Variants in DROSHA observed in about 807,000 individuals in gnomAD.
DROSHA encodes the protein drosha ribonuclease III.
A neutral mutation model predicts 181.9 loss-of-function variants in DROSHA; 56 were observed. The observed-to-expected ratio is 0.31, with a 90% CI of 0.25 to 0.38. The LOEUF is 0.38. Ranked by LOEUF, DROSHA falls within the 10% of genes least tolerant of loss-of-function variation. The pLI, the probability that DROSHA is intolerant of heterozygous loss-of-function variation, is 1.00. For missense variants in DROSHA, 1,218 were observed against 1,743.5 expected, an observed-to-expected ratio of 0.70 and a Z score of 5.37; for synonymous variants, 524 against 591.2, an observed-to-expected ratio of 0.89 and a Z score of 1.65.
At position 31,410,822 on chromosome 5, in the gene DROSHA, C is replaced by G. The variant is rs765041582; in HGVS notation, c.3591G>C (p.Gln1197His). 3 of 1,614,004 alleles carry G rather than the reference C, an allele frequency of 1.9e-6. No individual in the cohort carries two copies. The change falls in exon 31 of 36, where the codon CAG (glutamine) becomes CAC (histidine). Residue 1197 changes from glutamine to histidine, a missense_variant. Gln to His is a conservative substitution (Grantham distance 24). Coordinates refer to ENST00000344624, the MANE Select transcript of DROSHA (RefSeq NM_001382508.1). ...QAKVAEELGM[Q>H]EYAITNDKTK... ...TCTTGTCGTTGGTTATGGCGTACTCCTGCATGCCCAGCTCCTCCGCTACCT... is the reference window on the plus strand; with the variant it reads ...TCTTGTCGTTGGTTATGGCGTACTCGTGCATGCCCAGCTCCTCCGCTACCT...
intron 25 of DROSHA, among the ~76,000 whole-genome samples, chr5:31,435,275 A>G (rs1014351812): frequency 7.2e-5 from 11 of 152,204 alleles, no homozygotes; most frequent in Admixed American, 5.9e-4. Context: ...AACAGCCTAA[A>G]CCCTAAATCT....
At chr5:31,519,828 A>C (rs999275912) in intron 6 of DROSHA, among the ~76,000 whole-genome samples, 8 of 152,246 alleles carry the variant, frequency 5.3e-5, no homozygotes, top group Admixed American at 5.2e-4. Flanking sequence ...CACATACAAT[A>C]CAGATTTTCT....
intron 23 of DROSHA, among the ~76,000 whole-genome samples, chr5:31,438,091 G>T (rs1745109936): frequency 6.6e-6 from 1 of 152,196 alleles, no homozygotes; most frequent in Non-Finnish European, 1.5e-5. Context: ...CCCACAGGCT[G>T]TTATTTTCTC....
At chr5:31,406,790 A>C in intron 34 of DROSHA, 63 bp downstream of exon 34, 1 of 1,454,262 alleles carries the variant, frequency 6.9e-7, no homozygotes, top group Non-Finnish European at 9.6e-7. Flanking sequence ...TGGAGATAGC[A>C]GCTAGGGAAT....
At position 31,522,371 on chromosome 5, in the gene DROSHA, T is replaced by C. The variant is rs542518251; in HGVS notation, c.855-1156A>G. On this transcript the variant is annotated intron_variant, in intron 5 of 35. Transcript: ENST00000344624. ...CCATGCCACATGTCAAAGATATATG[T>C]AATTTGTAATGGCACGGCTGTTGAA... 2.0e-5 allele frequency among the ~76,000 whole-genome samples: 3 copies of C among 152,332 alleles called. No individual in the cohort carries two copies. The East Asian group carries it at 5.8e-4, about 29-fold the overall frequency.
chr5:31,467,265 C>T (rs907214869), intron 18 of DROSHA: 1 of 148,942 alleles, frequency 6.7e-6, no homozygotes, highest in Admixed American at 6.8e-5. Flanking sequence ...CTCCCATGCC[C>T]TTTTCTCCCA....
Position 31,406,065 on chromosome 5 carries a change from G to C in DROSHA, c.3948-342C>G, listed in dbSNP as rs75152248. On this transcript the variant is annotated intron_variant, in intron 34 of 35. Coordinates refer to ENST00000344624, the MANE Select transcript of DROSHA (RefSeq NM_001382508.1). ...TCACTGTAAAGTTTAAAGAGGAAAA[G>C]AATAAAAAAAAATACAGACAGGTTT... Among the ~76,000 whole-genome samples the C allele has an allele frequency of 0.015, 2,263 of 150,890 alleles. 131 individuals carry two copies. The East Asian group carries it at 0.21, about 14-fold the overall frequency.
rs183833318 is a variant in DROSHA, at chr5:31,515,475, G to A, written c.1037C>T (p.Pro346Leu). 21 of 1,421,924 alleles carry A rather than the reference G, an allele frequency of 1.5e-5. 1 individual carries two copies. In the Middle Eastern group the frequency reaches 5.2e-4, roughly 35 times the overall value. 88.1% of individuals were successfully genotyped at this position (1,421,924 alleles called of 1,614,324 possible). The change falls in exon 7 of 36, where the codon CCA becomes CTA. Residue 346 changes from proline to leucine, a missense_variant. Physicochemically the swap from Pro to Leu is moderately conservative, Grantham distance 98. Coordinates refer to ENST00000344624, the MANE Select transcript of DROSHA (RefSeq NM_001382508.1). ...TTACTGATTCACAATCTCCAGGGGT[G>A]GGGCCCAAGAATCTGTATTTTTAAT... ...EIIKNTDSWA[P>L]PLEIVNHRSP...
chr5:31,441,500 CACTAGCCAAGAGTG>C (rs1745594885), intron 23 of DROSHA, among the ~76,000 whole-genome samples: 1 of 152,134 alleles, frequency 6.6e-6, no homozygotes, highest in Non-Finnish European at 1.5e-5. Flanking sequence ...GTCGCTACTC[CACTAGCCAAGAGTG>C]ACTCAAAAGT....
At chr5:31,453,884 TCATCTTTATGTCTGG>T (rs1364682502) in intron 20 of DROSHA, among the ~76,000 whole-genome samples, 4 of 150,148 alleles carry the variant, frequency 2.7e-5, no homozygotes, top group East Asian at 2.0e-4. Context: ...AAAAATACAA[TCATCTTTATGTCTGG>T]CATCTTTATG....
chr5:31,432,814 T>C (rs1449027955), intron 25 of DROSHA, among the ~76,000 whole-genome samples: 8 of 152,228 alleles, frequency 5.3e-5, no homozygotes, highest in Non-Finnish European at 8.8e-5. Context: ...CTTTGATCTC[T>C]GTGGCTGCTT....
intron 20 of DROSHA, among the ~76,000 whole-genome samples, chr5:31,455,431 T>C (rs1489544262): frequency 1.3e-5 from 2 of 151,720 alleles, no homozygotes; most frequent in Admixed American, 6.6e-5. Context: ...AAACGTGTAA[T>C]ACAAGAAAAA....
At chr5:31,425,681 G>C (rs615344) in intron 27 of DROSHA, among the ~76,000 whole-genome samples, 2 of 151,746 alleles carry the variant, frequency 1.3e-5, no homozygotes, top group Non-Finnish European at 2.9e-5. Context: ...ACTCTAAATA[G>C]CACATGGGCA....
In DROSHA at chr5:31,467,360, G is replaced by A. The variant is rs190311232; in HGVS notation, c.2366+579C>T. 23 of 150,546 alleles carry A rather than the reference G, an allele frequency of 1.5e-4. 1 individual carries two copies. In the East Asian group the frequency reaches 2.5e-3, roughly 17 times the overall value. 9.3% of individuals were successfully genotyped at this position (150,546 alleles called of 1,614,324 possible). On this transcript the variant is annotated intron_variant, in intron 18 of 35. Coordinates refer to ENST00000344624, the MANE Select transcript of DROSHA (RefSeq NM_001382508.1). The stretch of plus-strand genomic sequence containing the variant: ...CAAGGTAGGAAATCCAAACAGTCCC[G>A]AAGAATCTAATGGTACTATCTCCAT...
rs746523039 is a variant in DROSHA, at chr5:31,508,571, C to T, written c.1587+50G>A. The T allele has an allele frequency of 3.7e-6, 6 of 1,611,320 alleles. No homozygotes were observed. The South Asian group carries it at 4.4e-5, about 12-fold the overall frequency. The stretch of plus-strand genomic sequence containing the variant: ...TATCTTCTGAGCCCAGAGCAATAAC[C>T]GTTATGTCTGGGTTTGCAACCTTCA... On this transcript the variant is annotated intron_variant, in intron 10 of 35. Coordinates refer to ENST00000344624, the MANE Select transcript of DROSHA (RefSeq NM_001382508.1).
Position 31,464,252 on chromosome 5 carries a change from C to A in DROSHA, c.2558G>T (p.Arg853Leu). 1 of 1,613,270 alleles carries A rather than the reference C, an allele frequency of 6.2e-7. No homozygotes were observed. Residue 853 changes from arginine to leucine, a missense_variant, in exon 20 of 36, where the codon CGT becomes CTT. By Grantham distance (102) the Arg-to-Leu change is moderately radical. Around this residue, in one of 8 missense-constraint regions of DROSHA, gnomAD observed 460 missense variants for 774.2 expected, o/e 0.59. Coordinates refer to ENST00000344624, the MANE Select transcript of DROSHA (RefSeq NM_001382508.1). ...TCTCCCCACCTGACAGACATCAGAA[C>A]GGATGCCAGTTTTCCAGAATCCTTG... ...SSQGFWKTGIRSDVCQHAMML... is the reference protein window; with the variant it reads ...SSQGFWKTGILSDVCQHAMML...
At position 31,461,032 on chromosome 5, in the gene DROSHA, C is replaced by T. The variant is rs184546327; in HGVS notation, c.2574+3204G>A. On this transcript the variant is annotated intron_variant, in intron 20 of 35. Transcript: ENST00000344624. ...AAACAATAAAAAATGTTAGCATATA[C>T]GACTTGTGACTAGACAAACCTGCAC... Among the ~76,000 whole-genome samples, 411 of 152,184 alleles carry T rather than the reference C, an allele frequency of 2.7e-3. 2 individuals are homozygous for T. The highest frequency in any genetic ancestry group is 0.02 in the Middle Eastern group (6 of 294).
chr5:31,468,615 T>C (rs989430716), intron 17 of DROSHA, among the ~76,000 whole-genome samples: 9 of 152,238 alleles, frequency 5.9e-5, no homozygotes, highest in Admixed American at 5.2e-4. Context: ...GAGAGCCTCA[T>C]ATTTTTTTCT....
At chr5:31,525,191 C>T (rs1440572552) in intron 5 of DROSHA, among the ~76,000 whole-genome samples, 1 of 151,780 alleles carries the variant, frequency 6.6e-6, no homozygotes, top group Non-Finnish European at 1.5e-5. Flanking sequence ...AGTAGCTGGG[C>T]GTGGTGGTGC....
Sources: allele counts gnomAD v4.1 joint callset (sites outside exome capture counted in the v4.1 genomes callset), GRCh38; gene constraint gnomAD v4.1.1; regional missense constraint gnomAD v4.1.1; transcripts MANE v1.5; gene names NCBI Gene and HGNC (gene_info 2026-07-23, HGNC 2026-07-21).